The following MIER2 variants were observed in gnomAD, a reference collection of about 807,000 sequenced individuals.
MIER2 encodes the protein MIER family member 2, also known as mesoderm induction early response protein 2.
A neutral mutation model predicts 67.6 loss-of-function variants in MIER2; 30 were observed. That is an observed-to-expected ratio of 0.44 (90% CI 0.33 to 0.60). The LOEUF is 0.60. Among genes scored for constraint, MIER2 ranks in the 20% least tolerant of loss-of-function variants. The probability of loss-of-function intolerance (pLI) is 0.02; values close to 1 mark genes in which losing one functional copy is unlikely to be tolerated. For synonymous variants in MIER2, 372 were observed against 312.6 expected, an observed-to-expected ratio of 1.19 and a Z score of -2.00; for missense variants, 702 against 745.1, an observed-to-expected ratio of 0.94 and a Z score of 0.67.
intron 10 of MIER2, among the ~76,000 whole-genome samples, chr19:309,207 C>G (rs1970807793): frequency 6.6e-6 from 1 of 152,126 alleles, no homozygotes; most frequent in African/African-American, 2.4e-5. Context: ...TCTGTAGCAT[C>G]AGCCAGACAA....
chr19:328,054 C>G, intron 3 of MIER2, 65 bp from the exon 4 acceptor site: 3 of 1,592,214 alleles, frequency 1.9e-6, no homozygotes, highest in Non-Finnish European at 2.6e-6. Context: ...TGTCCCTGTC[C>G]TCTTGCCTGA....
chr19:320,611 T>G (rs1476759005), intron 7 of MIER2, among the ~76,000 whole-genome samples: 1 of 152,054 alleles, frequency 6.6e-6, no homozygotes, highest in African/African-American at 2.4e-5. Context: ...TGGCATTAGA[T>G]TCTCATAGGA....
At chr19:306,999 G>A (rs868161261) in intron 13 of MIER2, 120 bp downstream of exon 13, 45 of 1,215,380 alleles carry the variant, frequency 3.7e-5, no homozygotes, top group Middle Eastern at 2.8e-4. Context: ...GCCTGCTCGT[G>A]GAGCCACACT....
intron 3 of MIER2, among the ~76,000 whole-genome samples, chr19:329,197 G>A (rs1971911487): frequency 6.6e-6 from 1 of 152,120 alleles, no homozygotes; most frequent in African/African-American, 2.4e-5. Flanking sequence ...GGGGCTTCAA[G>A]TCCACATAGA....
At chr19:320,691 C>CTGA (rs1971464630) in intron 7 of MIER2, among the ~76,000 whole-genome samples, 1 of 152,188 alleles carries the variant, frequency 6.6e-6, no homozygotes, top group South Asian at 2.1e-4. Context: ...AATCTAATGC[C>CTGA]TGATGATCTG....
At position 313,661 on chromosome 19, in the gene MIER2, A is replaced by G. The variant is rs1412004077; in HGVS notation, c.656-18T>C. ...CTCGTAGACTGCACAAGCAGAGGGCAAAGGTCAGCTTGCAGGAACCCAATC... is the reference window on the plus strand; with the variant it reads ...CTCGTAGACTGCACAAGCAGAGGGCGAAGGTCAGCTTGCAGGAACCCAATC... On this transcript the variant is annotated intron_variant, in intron 7 of 13. Coordinates refer to ENST00000264819, the MANE Select transcript of MIER2 (RefSeq NM_017550.3). 1 of 1,605,262 alleles carries G rather than the reference A, an allele frequency of 6.2e-7. No homozygotes were observed. Among genetic ancestry groups the G allele is most frequent in the Non-Finnish European group, 8.5e-7 (1 of 1,178,632 alleles).
chr19:336,003 C>G lies in MIER2; in HGVS notation c.100+80G>C, dbSNP rs1972234821. 6 of 1,393,420 alleles carry G rather than the reference C, an allele frequency of 4.3e-6. No individual in the cohort carries two copies. The Admixed American group carries it at 8.7e-5, about 20-fold the overall frequency. 86.3% of individuals were successfully genotyped at this position (1,393,420 alleles called of 1,614,324 possible). ...GCCAGTGTGCCGGTCCACAGCTCAG[C>G]CAGGCCCAGCAGGCATTCTGTCTCT... On this transcript the variant is annotated intron_variant, in intron 2 of 13. Coordinates refer to ENST00000264819, the MANE Select transcript of MIER2 (RefSeq NM_017550.3).
intron 7 of MIER2, among the ~76,000 whole-genome samples, chr19:314,971 A>C (rs1306175264): frequency 6.6e-6 from 1 of 152,054 alleles, no homozygotes; most frequent in Non-Finnish European, 1.5e-5. Context: ...GATTGAGGCT[A>C]AGGTGGGACT....
chr19:335,168 T>C (rs1339951234), intron 2 of MIER2, among the ~76,000 whole-genome samples: 1 of 152,028 alleles, frequency 6.6e-6, no homozygotes, highest in Non-Finnish European at 1.5e-5. Context: ...ATTGGTCAAA[T>C]TTTTAAACAA....
chr19:333,855 A>G (rs1972127086), intron 3 of MIER2, among the ~76,000 whole-genome samples: 3 of 151,054 alleles, frequency 2.0e-5, no homozygotes, highest in Non-Finnish European at 4.4e-5. Flanking sequence ...TGCCCGGCTA[A>G]TTTTGTTTTT....
intron 1 of MIER2, among the ~76,000 whole-genome samples, chr19:342,580 G>A (rs1486652716): frequency 1.3e-5 from 2 of 149,834 alleles, no homozygotes; most frequent in Non-Finnish European, 3.0e-5. Flanking sequence ...AGCAAAAGAT[G>A]GTGCTCTTAG....
chr19:342,836 G>C (rs1374321065), intron 1 of MIER2, among the ~76,000 whole-genome samples: 2 of 151,938 alleles, frequency 1.3e-5, no homozygotes, highest in Non-Finnish European at 2.9e-5. Flanking sequence ...TAGCTCTGAA[G>C]GGTGACCATT....
rs769070919 is a variant in MIER2 at position 326,482 on chromosome 19, T to C, written c.585+25A>G. 7.5e-6 allele frequency: 12 copies of C among 1,601,030 alleles called. No homozygotes were observed. The Admixed American group carries it at 1.0e-4, about 13-fold the overall frequency. On this transcript the variant is annotated intron_variant, in intron 6 of 13. Transcript: ENST00000264819. ...GCAGAACCACGGCCGGGATGCCAGGTTGGGGAGATGGCAGAACCACGTACC... is the reference window on the plus strand; with the variant it reads ...GCAGAACCACGGCCGGGATGCCAGGCTGGGGAGATGGCAGAACCACGTACC...
intron 10 of MIER2, 136 bp from the exon 11 acceptor site, chr19:309,061 A>AC (rs1292167027): frequency 1.5e-5 from 19 of 1,250,834 alleles, no homozygotes; most frequent in South Asian, 4.6e-5. Context: ...ATAACGCAAG[A>AC]CCCCCCGACC....
At chr19:329,917 T>C (rs1394019231) in intron 3 of MIER2, among the ~76,000 whole-genome samples, 3 of 150,252 alleles carry the variant, frequency 2.0e-5, no homozygotes, top group Non-Finnish European at 4.4e-5. Context: ...AGCATTTTGT[T>C]AAGTCTCACC....
At chr19:334,640 C>T in intron 2 of MIER2, 98 bp from the exon 3 acceptor site, 1 of 1,477,860 alleles carries the variant, frequency 6.8e-7, no homozygotes, top group South Asian at 1.3e-5. Flanking sequence ...AAGGATGAGG[C>T]CCTCTGCATG....
At chr19:319,452 G>C (rs1259933449) in intron 7 of MIER2, among the ~76,000 whole-genome samples, 3 of 152,172 alleles carry the variant, frequency 2.0e-5, no homozygotes, top group Non-Finnish European at 4.4e-5. Flanking sequence ...TAATACAATT[G>C]ATAAAACTTT....
rs376859946 is a variant in MIER2, at chr19:308,692, C to T, written c.1110-27G>A. The T allele has an allele frequency of 4.8e-5, 76 of 1,598,920 alleles. No individual in the cohort carries two copies. Among genetic ancestry groups the T allele is most frequent in the African/African-American group, 4.7e-4 (35 of 74,678 alleles). ...TGTGGGGAGAGGGCGCCATGAGGGG[C>T]GGCAGACAGGACAGACGCCCCCACC... On this transcript the variant is annotated intron_variant, in intron 11 of 13. Transcript: ENST00000264819. This position sits in a 1 kb window ranked among gnomAD's most constrained non-coding sequence, Gnocchi z 9.1.
At chr19:343,718 G>T in intron 1 of MIER2, 1 of 522,292 alleles carries the variant, frequency 1.9e-6, no homozygotes, top group Non-Finnish European at 2.5e-6. Context: ...ATCAGCTCTT[G>T]AGTCTGCCCG....
Sources: gnomAD v4.1 joint callset for allele counts (sites outside exome capture counted in the v4.1 genomes callset) on GRCh38, gnomAD v4.1.1 for gene constraint, Gnocchi (gnomAD v3.1) non-coding constraint, MANE v1.5 for transcripts, NCBI Gene and HGNC (gene_info 2026-07-23, HGNC 2026-07-21) for gene names.